Variants in CDKL5 observed in about 807,000 individuals in gnomAD.
CDKL5 encodes the protein cyclin-dependent kinase-like 5.
In CDKL5, 8 loss-of-function variants were observed where a neutral mutation model predicts 61.7. That is an observed-to-expected ratio of 0.13 (90% CI 0.08 to 0.23). CDKL5 has a LOEUF of 0.23. Ranked by LOEUF, CDKL5 falls within the 10% of genes least tolerant of loss-of-function variation. The pLI is 1.00. For synonymous variants in CDKL5, 275 were observed against 272.3 expected, an observed-to-expected ratio of 1.01 and a Z score of -0.10; for missense variants, 440 against 734.5, an observed-to-expected ratio of 0.60 and a Z score of 4.63.
intron 17 of CDKL5, chrX:18,626,923 A>T (rs1316539240): frequency 9.3e-6 from 1 of 107,546 alleles, no homozygotes; most frequent in African/African-American, 3.4e-5. Context: ...CAGTTTTTTA[A>T]TTTTTTTATA....
intron 11 of CDKL5, 53 bp from the exon 12 acceptor site, chrX:18,603,849 T>C: frequency 8.5e-7 from 1 of 1,182,267 alleles, no homozygotes; most frequent in Non-Finnish European, 1.2e-6. Context: ...ACAATACTTT[T>C]TGTGTGTCAG....
chrX:18,432,684 C>T (rs1931524119), intron 1 of CDKL5, among the ~76,000 whole-genome samples: 1 of 105,067 alleles, frequency 9.5e-6, no homozygotes, highest in African/African-American at 3.5e-5. Flanking sequence ...CGGCTCACTG[C>T]AGTCTCCACC....
intron 3 of CDKL5, among the ~76,000 whole-genome samples, chrX:18,518,663 A>G (rs1371041383): frequency 9.1e-6 from 1 of 109,371 alleles, no homozygotes; most frequent in Middle Eastern, 4.2e-3. Context: ...GGCCTCCCAG[A>G]GTGCTGGGAT....
intron 1 of CDKL5, among the ~76,000 whole-genome samples, chrX:18,460,583 C>T (rs762751194): frequency 1.3e-3 from 147 of 111,405 alleles, no homozygotes; most frequent in Non-Finnish European, 2.3e-3. Context: ...ACTGCAGCCT[C>T]TATCTATCCA....
intron 3 of CDKL5, among the ~76,000 whole-genome samples, chrX:18,534,531 G>A (rs1197599412): frequency 9.0e-6 from 1 of 111,508 alleles, no homozygotes; most frequent in Non-Finnish European, 1.9e-5. Flanking sequence ...CACACGTATA[G>A]GAATTTCATT....
chrX:18,590,505 C>G (rs1236504010), intron 9 of CDKL5, among the ~76,000 whole-genome samples: 1 of 112,102 alleles, frequency 8.9e-6, no homozygotes, highest in Admixed American at 9.5e-5. Flanking sequence ...CCTGAGTGCC[C>G]AACCGTCCAG....
chrX:18,614,237 G>A lies in CDKL5; in HGVS notation c.2276+962G>A, dbSNP rs185446387. ...AAAGTTACATCAAGGTTTCAGTGTTGTTGTGCCCTATAGTGAAAATTACTT... is the reference window on the plus strand; with the variant it reads ...AAAGTTACATCAAGGTTTCAGTGTTATTGTGCCCTATAGTGAAAATTACTT... On this transcript the variant is annotated intron_variant, in intron 15 of 17. Coordinates refer to ENST00000623535, the MANE Select transcript of CDKL5 (RefSeq NM_001323289.2). Among the ~76,000 whole-genome samples, 493 of 112,412 alleles carry A rather than the reference G, an allele frequency of 4.4e-3. 2 individuals are homozygous for A. In the Middle Eastern group the frequency reaches 0.046, roughly 11 times the overall value.
chrX:18,622,814 C>T (rs1791360528), intron 16 of CDKL5, among the ~76,000 whole-genome samples: 1 of 111,623 alleles, frequency 9.0e-6, no homozygotes, highest in African/African-American at 3.3e-5. Flanking sequence ...TACCATGGAC[C>T]CGCCTCTGTG....
At chrX:18,597,153 TC>T (rs1244617692) in intron 10 of CDKL5, among the ~76,000 whole-genome samples, 1 of 110,723 alleles carries the variant, frequency 9.0e-6, no homozygotes, top group East Asian at 2.8e-4. Flanking sequence ...AGTTCCGACT[TC>T]TGTCACCAAA....
intron 16 of CDKL5, among the ~76,000 whole-genome samples, chrX:18,624,806 T>C (rs909906410): frequency 1.8e-5 from 2 of 111,989 alleles, no homozygotes; most frequent in Admixed American, 1.9e-4. Context: ...CAGCAATTCC[T>C]GGTACAGCCC....
intron 3 of CDKL5, among the ~76,000 whole-genome samples, chrX:18,525,855 T>G (rs1318134692): frequency 9.4e-6 from 1 of 106,866 alleles, no homozygotes; most frequent in Non-Finnish European, 1.9e-5. Flanking sequence ...CAAGCGCTTC[T>G]CCTGCCTCAG....
downstream of CDKL5, chrX:18,642,103 G>T (rs186334493): frequency 8.3e-7 from 1 of 1,211,640 alleles, no homozygotes; most frequent in East Asian, 3.0e-5. Context: ...AGATGATGGG[G>T]GGCCGCAGCA....
At chrX:18,609,365 G>A (rs1246716603) in intron 13 of CDKL5, 100 bp from the exon 14 acceptor site, 1 of 1,185,228 alleles carries the variant, frequency 8.4e-7, no homozygotes, top group Non-Finnish European at 1.1e-6. Context: ...CTGCACTACA[G>A]CCTGGGCAAT....
chrX:18,474,403 G>A (rs1285423340), intron 1 of CDKL5, among the ~76,000 whole-genome samples: 1 of 110,938 alleles, frequency 9.0e-6, no homozygotes, highest in Non-Finnish European at 1.9e-5. Context: ...AAGTCCCCAA[G>A]TTTTATAAGT....
At chrX:18,512,937 A>G (rs1922879644) in intron 3 of CDKL5, among the ~76,000 whole-genome samples, 1 of 111,557 alleles carries the variant, frequency 9.0e-6, no homozygotes, top group African/African-American at 3.2e-5. Context: ...TGTTTATGCA[A>G]CATTGCAAAT....
At chrX:18,625,632 A>G (rs1927017255) in intron 17 of CDKL5, among the ~76,000 whole-genome samples, 1 of 112,104 alleles carries the variant, frequency 8.9e-6, no homozygotes, top group South Asian at 3.7e-4. Flanking sequence ...TTAAGGTTTC[A>G]TTAAAAATAA....
chrX:18,543,935 A>G (rs1347010885), intron 3 of CDKL5, among the ~76,000 whole-genome samples: 1 of 112,127 alleles, frequency 8.9e-6, no homozygotes, highest in Non-Finnish European at 1.9e-5. Flanking sequence ...GGTACTAGGC[A>G]AATGAGGAAG....
downstream of CDKL5, chrX:18,642,269 T>A: frequency 1.2e-6 from 1 of 863,877 alleles, no homozygotes; most frequent in Non-Finnish European, 1.7e-6. Context: ...AGGAAGTAGT[T>A]AAAGCAGTTT....
At chrX:18,487,027 C>T (rs1399289915) in intron 1 of CDKL5, among the ~76,000 whole-genome samples, 1 of 111,193 alleles carries the variant, frequency 9.0e-6, no homozygotes, top group Non-Finnish European at 1.9e-5. Flanking sequence ...TTGTTTCTTG[C>T]CTGCTTTAAG....
Sources: gnomAD v4.1 joint callset for allele counts (sites outside exome capture counted in the v4.1 genomes callset) on GRCh38, gnomAD v4.1.1 for gene constraint, MANE v1.5 for transcripts, NCBI Gene and HGNC (gene_info 2026-07-23, HGNC 2026-07-21) for gene names.